The following FAH variants were observed in gnomAD, a reference collection of about 807,000 sequenced individuals.
The protein encoded by FAH is fumarylacetoacetate hydrolase.
In FAH, 47 loss-of-function variants were observed where a neutral mutation model predicts 55.8. That is an observed-to-expected ratio of 0.84 (90% CI 0.67 to 1.07). FAH has a LOEUF of 1.07. Ranked by LOEUF, FAH falls within the 50% of genes least tolerant of loss-of-function variation. The pLI, the probability that FAH is intolerant of heterozygous loss-of-function variation, is 0.00. For missense variants in FAH, 495 were observed against 545.9 expected, an observed-to-expected ratio of 0.91 and a Z score of 0.93; for synonymous variants, 199 against 207.7, an observed-to-expected ratio of 0.96 and a Z score of 0.36.
At chr15:80,184,846 C>G (rs1488208543) in intron 13 of FAH, among the ~76,000 whole-genome samples, 1 of 152,194 alleles carries the variant, frequency 6.6e-6, no homozygotes, top group East Asian at 1.9e-4. Context: ...TTTCATGTGT[C>G]TTCCCTAATG....
At chr15:80,170,875 T>G (rs2142099970) in intron 7 of FAH, among the ~76,000 whole-genome samples, 1 of 152,202 alleles carries the variant, frequency 6.6e-6, no homozygotes, top group South Asian at 2.1e-4. Flanking sequence ...TTCAAAGAGA[T>G]TTTCCCAAAT....
intron 10 of FAH, among the ~76,000 whole-genome samples, chr15:80,175,411 A>G (rs542593628): frequency 6.6e-6 from 1 of 152,028 alleles, no homozygotes; most frequent in Non-Finnish European, 1.5e-5. Flanking sequence ...TCCTGCTCAC[A>G]TATCGCCACT....
intron 5 of FAH, chr15:80,166,155 TA>T (rs1185369492): frequency 1.3e-5 from 2 of 152,082 alleles, no homozygotes; most frequent in African/African-American, 2.4e-5. Flanking sequence ...GACTGGGTCT[TA>T]CTTGGTCACC....
At chr15:80,172,508 A>G (rs924521975) in intron 8 of FAH, among the ~76,000 whole-genome samples, 3 of 152,084 alleles carry the variant, frequency 2.0e-5, no homozygotes, top group Non-Finnish European at 4.4e-5. Context: ...CTTATGTGTC[A>G]GGCCCTGTGC....
At chr15:80,155,634 C>T (rs190157576) in intron 1 of FAH, among the ~76,000 whole-genome samples, 108 of 152,194 alleles carry the variant, frequency 7.1e-4, no homozygotes, top group African/African-American at 1.9e-3. Context: ...CAGCTGGGCC[C>T]GGGGCACTGC....
intron 11 of FAH, among the ~76,000 whole-genome samples, chr15:80,178,278 A>G (rs2041300339): frequency 6.6e-6 from 1 of 152,212 alleles, no homozygotes; most frequent in South Asian, 2.1e-4. Flanking sequence ...TCCCTGTGCA[A>G]CCAGCACCCA....
chr15:80,180,409 C>T, intron 12 of FAH, 184 bp downstream of exon 12: 1 of 614,838 alleles, frequency 1.6e-6, no homozygotes, highest in Non-Finnish European at 2.9e-6. Flanking sequence ...CAAATTCAAA[C>T]CTAAAGAGAC....
At position 80,162,305 on chromosome 15, in the gene FAH, A is replaced by G. The variant is rs1420414848; in HGVS notation, c.424A>G (p.Arg142Gly). 2 of 1,614,244 alleles carry G rather than the reference A, an allele frequency of 1.2e-6. No individual in the cohort carries two copies. The highest frequency in any genetic ancestry group is 8.5e-7 in the Non-Finnish European group (1 of 1,180,022). Reference sequence around the variant, plus strand: ...TGCTACCAACGTCGGAATCATGTTCAGGGACAAGGAGAATGCGTTGATGCC... The same window carrying G: ...TGCTACCAACGTCGGAATCATGTTCGGGGACAAGGAGAATGCGTTGATGCC... ...QHATNVGIMFRDKENALMPNW... is the reference protein window; with the variant it reads ...QHATNVGIMFGDKENALMPNW... The change falls in exon 5 of 14, where the codon AGG becomes GGG. Residue 142 changes from arginine (R) to glycine (G), a missense_variant. Coordinates refer to ENST00000561421, the MANE Select transcript of FAH (RefSeq NM_000137.4).
intron 5 of FAH, 187 bp downstream of exon 5, chr15:80,162,523 G>A (rs1452024182): frequency 4.5e-6 from 3 of 660,922 alleles, no homozygotes; most frequent in African/African-American, 1.8e-5. Context: ...CTTAGGACTT[G>A]CTGTGGGATC....
At chr15:80,178,394 CATGT>C (rs1468806393) in intron 11 of FAH, among the ~76,000 whole-genome samples, 1 of 151,998 alleles carries the variant, frequency 6.6e-6, no homozygotes, top group Non-Finnish European at 1.5e-5. Flanking sequence ...CCTCTGCTAC[CATGT>C]ATTATTTTTT....
chr15:80,184,863 T>A (rs1478757926), intron 13 of FAH, among the ~76,000 whole-genome samples: 1 of 152,130 alleles, frequency 6.6e-6, no homozygotes. Flanking sequence ...AATGAACTCC[T>A]AGCTACCCGT....
intron 11 of FAH, 114 bp downstream of exon 11, chr15:80,177,697 T>A (rs2142105647): frequency 9.8e-7 from 1 of 1,021,588 alleles, no homozygotes; most frequent in Non-Finnish European, 1.5e-6. Context: ...TGGGTCAGCC[T>A]GTGGGCCTGG....
At chr15:80,160,494 G>A in intron 4 of FAH, 35 bp downstream of exon 4, 1 of 1,607,830 alleles carries the variant, frequency 6.2e-7, no homozygotes, top group Non-Finnish European at 8.5e-7. Context: ...TAAGAACGGA[G>A]CAGCTTCGTG....
At chr15:80,161,271 GTT>G (rs1185001944) in intron 4 of FAH, among the ~76,000 whole-genome samples, 67 of 138,226 alleles carry the variant, frequency 4.8e-4, no homozygotes, top group African/African-American at 1.5e-3. Flanking sequence ...GCCCTTTCTT[GTT>G]TTTTTTTTTT....
rs766849781 is a variant in FAH at position 80,180,238 on chromosome 15, C to T, written c.1062+13C>T. On this transcript the variant is annotated intron_variant, in intron 12 of 13. Coordinates refer to ENST00000561421, the MANE Select transcript of FAH (RefSeq NM_000137.4). Reference sequence around the variant, plus strand: ...CATCAGCGGGCCGGTGAGTATCTGGCTGCACTGAGGGCTGCCCACGCAGAG... The same window carrying T: ...CATCAGCGGGCCGGTGAGTATCTGGTTGCACTGAGGGCTGCCCACGCAGAG... 2 of 1,595,954 alleles carry T rather than the reference C, an allele frequency of 1.3e-6. No homozygotes were observed. Among genetic ancestry groups the T allele is most frequent in the African/African-American group, 1.3e-5 (1 of 74,736 alleles).
At chr15:80,175,262 T>C (rs962089562) in intron 10 of FAH, among the ~76,000 whole-genome samples, 171 bp downstream of exon 10, 7 of 151,888 alleles carry the variant, frequency 4.6e-5, no homozygotes, top group Non-Finnish European at 7.4e-5. Context: ...GACACCCTGG[T>C]GCTCACTGGG....
At chr15:80,168,441 C>T in intron 7 of FAH, 125 bp downstream of exon 7, 1 of 901,226 alleles carries the variant, frequency 1.1e-6, no homozygotes, top group Non-Finnish European at 1.8e-6. Context: ...GGCAGCCGCT[C>T]TGTGTCCCCA....
At chr15:80,183,409 CA>C (rs1229409859) in intron 13 of FAH, among the ~76,000 whole-genome samples, 3 of 152,220 alleles carry the variant, frequency 2.0e-5, no homozygotes, top group African/African-American at 7.2e-5. Flanking sequence ...GAGGAGCGGG[CA>C]GGTGGAGGTG....
intron 4 of FAH, 191 bp downstream of exon 4, chr15:80,160,650 G>A (rs1747617079): frequency 1.4e-6 from 1 of 698,322 alleles, no homozygotes; most frequent in Admixed American, 2.0e-5. Context: ...ATTCACTCAG[G>A]CTATTATCTT....
Sources: allele counts gnomAD v4.1 joint callset (sites outside exome capture counted in the v4.1 genomes callset), GRCh38; gene constraint gnomAD v4.1.1; transcripts MANE v1.5; gene names NCBI Gene and HGNC (gene_info 2026-07-23, HGNC 2026-07-21).